The following CCT8 variants were observed in gnomAD, a reference collection of about 807,000 sequenced individuals.
CCT8 encodes the protein chaperonin containing TCP1 subunit 8.
In CCT8, 10 loss-of-function variants were observed where a neutral mutation model predicts 65.7. That is an observed-to-expected ratio of 0.15 (90% confidence interval 0.09 to 0.26). The LOEUF (loss-of-function observed/expected upper bound fraction) is 0.26, where lower values mean the gene tolerates loss of function less well. CCT8 is among the 10% of genes least tolerant of loss of function. The probability of loss-of-function intolerance (pLI) is 1.00; values close to 1 mark genes in which losing one functional copy is unlikely to be tolerated. For synonymous variants in CCT8, 199 were observed against 221.8 expected (o/e 0.90, Z 0.92); for missense variants, 568 against 669.1 (o/e 0.85, Z 1.67).
intron 7 of CCT8, 136 bp downstream of exon 7, chr21:29,064,832 T>C (rs1345733437): frequency 1.5e-6 from 1 of 672,982 alleles, no homozygotes; most frequent in East Asian, 2.6e-5. Flanking sequence ...TTGAAGACTA[T>C]AAATCTGGCA....
Position 29,067,044 on chromosome 21 carries a change from T to C in CCT8, c.409A>G (p.Arg137Gly), listed in dbSNP as rs1164429968. Residue 137 changes from arginine to glycine, a missense_variant, in exon 5 of 15, where the codon AGA becomes GGA. Transcript: ENST00000286788. ...TTAGGAAGAATCTCATGAGCTTTTC[T>C]GCAGGCTATTTCATAACCTTCTATG... ...EVIEGYEIAC[R>G]KAHEILPNLV... The C allele has an allele frequency of 3.1e-6, 5 of 1,612,386 alleles. No homozygotes were observed. In the East Asian group the frequency reaches 1.1e-4, roughly 36 times the overall value.
chr21:29,060,956 AGTT>A (rs1373267787), intron 13 of CCT8, among the ~76,000 whole-genome samples: 1 of 152,222 alleles, frequency 6.6e-6, no homozygotes, highest in African/African-American at 2.4e-5. Context: ...TAGTGTAAAT[AGTT>A]GTTATAGTGT....
chr21:29,064,451 A>C (rs914917886), intron 7 of CCT8, among the ~76,000 whole-genome samples: 3 of 151,098 alleles, frequency 2.0e-5, no homozygotes, highest in African/African-American at 7.3e-5. Flanking sequence ...AAAATACAAT[A>C]AAATAAAATA....
chr21:29,072,070 A>G, intron 1 of CCT8: 2 of 652,232 alleles, frequency 3.1e-6, no homozygotes, highest in Non-Finnish European at 5.5e-6. Context: ...TTAGTCCCTG[A>G]GCCTGGCATT....
intron 1 of CCT8, among the ~76,000 whole-genome samples, chr21:29,071,636 C>T (rs2146444557): frequency 6.6e-6 from 1 of 152,238 alleles, no homozygotes; most frequent in Non-Finnish European, 1.5e-5. Context: ...ATCCACTGAC[C>T]TCGGCCTCCC....
In CCT8 at chr21:29,073,520, T is replaced by G; in HGVS notation, c.60+11A>C. The G allele has an allele frequency of 6.2e-7, 1 of 1,614,064 alleles. No individual in the cohort carries two copies. The highest frequency in any genetic ancestry group is 8.5e-7 in the Non-Finnish European group (1 of 1,179,952). Reference sequence around the variant, plus strand: ...GACGCTCCCACCTCATTCCTTTCCTTCAGCCCTTACTTTCGCTCCCTCCTT... The same window carrying G: ...GACGCTCCCACCTCATTCCTTTCCTGCAGCCCTTACTTTCGCTCCCTCCTT... On this transcript the variant is annotated intron_variant, in intron 1 of 14. Transcript: ENST00000286788.
At chr21:29,070,174 A>T in intron 2 of CCT8, 73 bp downstream of exon 2, 1 of 892,304 alleles carries the variant, frequency 1.1e-6, no homozygotes. Context: ...ACATCCTCAG[A>T]ACAAGTCTGA....
In CCT8 at chr21:29,072,156, T is replaced by C. The variant is rs117914303; in HGVS notation, c.60+1375A>G. Reference sequence around the variant, plus strand: ...TCACTAAGCACTGAGCTAAGAGTTCTTCCCTAAACGTCTAAGTGTTCTGTC... The same window carrying C: ...TCACTAAGCACTGAGCTAAGAGTTCCTCCCTAAACGTCTAAGTGTTCTGTC... On this transcript the variant is annotated intron_variant, in intron 1 of 14. Transcript: ENST00000286788. 2,265 of 578,456 alleles carry C rather than the reference T, an allele frequency of 3.9e-3. 8 individuals are homozygous for C. The highest frequency in any genetic ancestry group is 5.3e-3 in the Non-Finnish European group (1,735 of 326,256). The allele number at this position is 578,456 out of a possible 1,614,324, so 35.8% of individuals were successfully genotyped here.
intron 14 of CCT8, among the ~76,000 whole-genome samples, chr21:29,057,777 TATATGA>T (rs890208747): frequency 6.9e-6 from 1 of 144,456 alleles, no homozygotes; most frequent in African/African-American, 2.7e-5. Flanking sequence ...ATATATGATA[TATATGA>T]GATATGTATG....
chr21:29,058,516 A>G (rs1456193677), intron 14 of CCT8, among the ~76,000 whole-genome samples: 2 of 152,190 alleles, frequency 1.3e-5, no homozygotes, highest in Non-Finnish European at 2.9e-5. Flanking sequence ...AGTGCTCATT[A>G]AAACAGACTG....
intron 1 of CCT8, chr21:29,072,111 C>T: frequency 1.6e-6 from 1 of 616,200 alleles, no homozygotes; most frequent in Non-Finnish European, 2.9e-6. Context: ...GGGGAAACAG[C>T]CCAGGCTCAG....
In CCT8 at chr21:29,061,575, T is replaced by C; in HGVS notation, c.1213-8A>G. On this transcript the variant is annotated splice_polypyrimidine_tract_variant and splice_region_variant and intron_variant, in intron 11 of 14. Coordinates refer to ENST00000286788, the MANE Select transcript of CCT8 (RefSeq NM_006585.4). ...GGGTACAAGACGTTTATCCTGTATG[T>C]AGCGCCCCCACCAAAAAAAAAATGA... 2 of 1,609,856 alleles carry C rather than the reference T, an allele frequency of 1.2e-6. No individual in the cohort carries two copies. Among genetic ancestry groups the C allele is most frequent in the East Asian group, 2.2e-5 (1 of 44,866 alleles).
rs769538488 is a variant in CCT8, at chr21:29,060,646, A to G, written c.1464T>C (p.Ala488=). The change falls in exon 14 of 15, where the codon GCT becomes GCC. Residue 488 remains alanine, a synonymous_variant. Transcript: ENST00000286788. The part of the protein sequence containing the change: ...VGLDIEAEVP[A]VKDMLEAGIL... ...TACCAGCTTCCAGCATGTCCTTTAC[A>G]GCAGGGACTTCAGCCTGTCAAACAC... 12 of 1,613,452 alleles carry G rather than the reference A, an allele frequency of 7.4e-6. No individual in the cohort carries two copies. Among genetic ancestry groups the G allele is most frequent in the Non-Finnish European group, 1.0e-5 (12 of 1,179,658 alleles).
In CCT8 at chr21:29,062,263, A is replaced by G; in HGVS notation, c.1097-20T>C. The G allele has an allele frequency of 6.2e-7, 1 of 1,606,490 alleles. No homozygotes were observed. On this transcript the variant is annotated intron_variant, in intron 10 of 14. Coordinates refer to ENST00000286788, the MANE Select transcript of CCT8 (RefSeq NM_006585.4). ...CCTTTTCTATCAAAAAATTAAATAT[A>G]TTTGGTGATTAAATACAAGAAGCTA... is the stretch of plus-strand genomic sequence containing the variant.
At chr21:29,060,750 A>G in intron 13 of CCT8, 90 bp from the exon 14 acceptor site, 1 of 1,339,430 alleles carries the variant, frequency 7.5e-7, no homozygotes, top group Non-Finnish European at 1.0e-6. Context: ...CTCCTTAAAT[A>G]GTACTGGAAA....
At chr21:29,060,321 T>G (rs1474736693) in intron 14 of CCT8, among the ~76,000 whole-genome samples, 1 of 152,160 alleles carries the variant, frequency 6.6e-6, no homozygotes, top group Non-Finnish European at 1.5e-5. Flanking sequence ...TCTAAATTAT[T>G]TGTACAAATG....
chr21:29,072,902 A>C (rs1334344498), intron 1 of CCT8, among the ~76,000 whole-genome samples: 1 of 152,206 alleles, frequency 6.6e-6, no homozygotes. Flanking sequence ...TCTTGGTCCA[A>C]TCTCCATAAT....
intron 1 of CCT8, 77 bp from the exon 2 acceptor site, chr21:29,070,414 T>G: frequency 6.3e-6 from 5 of 796,118 alleles, no homozygotes; most frequent in Non-Finnish European, 1.0e-5. Context: ...CAAGATATCT[T>G]TGCTTATATC....
At chr21:29,061,159 CTG>C in intron 13 of CCT8, 92 bp downstream of exon 13, 1 of 1,006,724 alleles carries the variant, frequency 9.9e-7, no homozygotes, top group South Asian at 1.5e-5. Flanking sequence ...AATCAGAACA[CTG>C]TTTCTCATTG....
Sources: gnomAD v4.1 joint callset for allele counts (sites outside exome capture counted in the v4.1 genomes callset) on GRCh38, gnomAD v4.1.1 for gene constraint, MANE v1.5 for transcripts, NCBI Gene and HGNC (gene_info 2026-07-23, HGNC 2026-07-21) for gene names.